CCT6B: variants seen among roughly 807,000 people sequenced by gnomAD.
The protein encoded by CCT6B is chaperonin containing TCP1 subunit 6B, also known as probable T-complex protein 1 subunit zeta-2.
A neutral mutation model predicts 61.5 loss-of-function variants in CCT6B; 49 were observed. The ratio of observed to expected loss-of-function variants is 0.80; its 90% CI spans 0.63 to 1.01. The LOEUF is 1.01. CCT6B is among the 50% of genes least tolerant of loss of function. CCT6B has a pLI of 0.00. For synonymous variants in CCT6B, 228 were observed against 214.5 expected (o/e 1.06, Z -0.55); for missense variants, 666 against 634.7 (o/e 1.05, Z -0.53).
chr17:34,952,513 G>A (rs913251012), intron 4 of CCT6B, among the ~76,000 whole-genome samples: 11 of 152,134 alleles, frequency 7.2e-5, no homozygotes, highest in Admixed American at 1.3e-4. Context: ...AACAGGAAAC[G>A]TTAAAGTCTC....
chr17:34,928,653 T>C (rs1217997647), intron 13 of CCT6B, among the ~76,000 whole-genome samples: 1 of 152,230 alleles, frequency 6.6e-6, no homozygotes, highest in Admixed American at 6.5e-5. Context: ...AAAATTGAGC[T>C]TATTTTTACA....
chr17:34,955,685 C>T (rs2090340525), intron 3 of CCT6B, among the ~76,000 whole-genome samples: 1 of 152,166 alleles, frequency 6.6e-6, no homozygotes, highest in South Asian at 2.1e-4. Context: ...TCCCTTACTA[C>T]TTTTCTTTAC....
At chr17:34,942,774 A>C in intron 6 of CCT6B, 22 bp downstream of exon 6, 1 of 1,553,174 alleles carries the variant, frequency 6.4e-7, no homozygotes, top group Non-Finnish European at 8.8e-7. Context: ...TTCAAAAGTT[A>C]TAAAGAGAAA....
At chr17:34,934,134 GAAAAA>G (rs1280861242) in intron 10 of CCT6B, among the ~76,000 whole-genome samples, 1 of 75,824 alleles carries the variant, frequency 1.3e-5, no homozygotes, top group East Asian at 4.0e-4. Flanking sequence ...GTTTCAAAAA[GAAAAA>G]AAAAAAAAAA....
At chr17:34,946,445 C>A (rs538974542) in intron 5 of CCT6B, among the ~76,000 whole-genome samples, 2 of 152,066 alleles carry the variant, frequency 1.3e-5, no homozygotes, top group African/African-American at 4.8e-5. Flanking sequence ...GAAAGATTTG[C>A]AAGGAATAGA....
intron 10 of CCT6B, among the ~76,000 whole-genome samples, chr17:34,938,396 A>G (rs1171724982): frequency 6.6e-6 from 1 of 151,932 alleles, no homozygotes; most frequent in Non-Finnish European, 1.5e-5. Context: ...GACAGAACTC[A>G]TCTCTACAAA....
intron 12 of CCT6B, among the ~76,000 whole-genome samples, chr17:34,929,346 C>T (rs1012137396): frequency 1.1e-4 from 16 of 152,082 alleles, no homozygotes; most frequent in African/African-American, 3.9e-4. Context: ...GACCTCTTAA[C>T]GTTGGAGTAC....
chr17:34,942,949 A>G (rs1443776278), intron 5 of CCT6B, 43 bp from the exon 6 acceptor site: 4 of 1,096,116 alleles, frequency 3.6e-6, no homozygotes, highest in Non-Finnish European at 5.3e-6. Flanking sequence ...TATATACTCT[A>G]AAATTTGGTA....
At position 34,928,114 on chromosome 17, in the gene CCT6B, T is replaced by G. The variant is rs527760961; in HGVS notation, c.1527A>C (p.Thr509=). ...CVKKQLLHSC[T]VIATNILLVD... ...CCAGGAGAATGTTGGTGGCAATCAC[T>G]GTGCTAAGGAAAAAGATGAGAGGGT... The change falls in exon 14 of 14, where the codon ACA becomes ACC. Residue 509 remains threonine, a synonymous_variant. Coordinates refer to ENST00000314144, the MANE Select transcript of CCT6B (RefSeq NM_006584.4). 3 of 1,609,678 alleles carry G rather than the reference T, an allele frequency of 1.9e-6. No individual in the cohort carries two copies. In the South Asian group the frequency reaches 3.3e-5, roughly 18 times the overall value.
intron 4 of CCT6B, among the ~76,000 whole-genome samples, chr17:34,953,084 A>C (rs2090310202): frequency 6.6e-6 from 1 of 152,064 alleles, no homozygotes; most frequent in Non-Finnish European, 1.5e-5. Flanking sequence ...GAAACAACTC[A>C]AGTATTCCAG....
In CCT6B at chr17:34,940,566, C is replaced by T. The variant is rs1244990017; in HGVS notation, c.941G>A (p.Arg314His). ...TTCCATATTTCTTCTTTTTGCTCTG[C>T]GAAGAGCTACTATTCCATGTTTTGC... ...SLAKHGIVAL[R>H]RAKRRNMERL... Residue 314 changes from arginine to histidine, a missense_variant, in exon 8 of 14, where the codon CGC (arginine) becomes CAC (histidine). Coordinates refer to ENST00000314144, the MANE Select transcript of CCT6B (RefSeq NM_006584.4). 22 of 1,582,050 alleles carry T rather than the reference C, an allele frequency of 1.4e-5. No homozygotes were observed. Among genetic ancestry groups the T allele is most frequent in the Non-Finnish European group, 1.9e-5 (22 of 1,161,482 alleles).
chr17:34,958,580 C>G lies in CCT6B; in HGVS notation c.316G>C (p.Ala106Pro). The stretch of plus-strand genomic sequence containing the variant: ...AATACCTCAGAAATGTACAGGTCAG[C>G]TTGTTTTAATAACTCTCCAATAATT... ...VLIIGELLKQ[A>P]DLYISEGLHP... The change falls in exon 3 of 14, where the codon GCT (alanine) becomes CCT (proline). Residue 106 changes from alanine to proline, a missense_variant. Physicochemically the swap from Ala to Pro is conservative, Grantham distance 27. Transcript: ENST00000314144. 1 of 1,573,050 alleles carries G rather than the reference C, an allele frequency of 6.4e-7. No individual in the cohort carries two copies. Among genetic ancestry groups the G allele is most frequent in the Non-Finnish European group, 8.6e-7 (1 of 1,158,350 alleles).
intron 8 of CCT6B, among the ~76,000 whole-genome samples, 159 bp downstream of exon 8, chr17:34,940,380 A>G (rs1284045183): frequency 6.6e-6 from 1 of 152,194 alleles, no homozygotes; most frequent in Admixed American, 6.5e-5. Context: ...TTGCTTTTTG[A>G]CAGTTCAATT....
chr17:34,951,551 G>A (rs1164876657), intron 5 of CCT6B, among the ~76,000 whole-genome samples: 2 of 152,098 alleles, frequency 1.3e-5, no homozygotes, highest in African/African-American at 4.8e-5. Flanking sequence ...TCCTCTCCCT[G>A]TGCTCCAGGC....
At chr17:34,939,916 AT>A (rs1418483778) in intron 8 of CCT6B, among the ~76,000 whole-genome samples, 1 of 152,182 alleles carries the variant, frequency 6.6e-6, no homozygotes, top group Non-Finnish European at 1.5e-5. Flanking sequence ...GAATGGCTAA[AT>A]TGAGCTAATT....
intron 10 of CCT6B, 125 bp from the exon 11 acceptor site, chr17:34,932,625 G>C (rs976421490): frequency 1.3e-6 from 1 of 753,774 alleles, no homozygotes; most frequent in African/African-American, 1.8e-5. Context: ...AAATTGCACA[G>C]CTTAGTAATT....
chr17:34,941,290 A>G (rs1211291954), intron 7 of CCT6B, among the ~76,000 whole-genome samples: 2 of 152,192 alleles, frequency 1.3e-5, no homozygotes, highest in Non-Finnish European at 2.9e-5. Context: ...AGTCATGTAG[A>G]TAGCATCAGT....
intron 10 of CCT6B, among the ~76,000 whole-genome samples, chr17:34,935,499 T>C (rs2090083756): frequency 6.6e-6 from 1 of 152,230 alleles, no homozygotes; most frequent in Admixed American, 6.5e-5. Flanking sequence ...TAACTAAGTA[T>C]GGTTTATCCC....
intron 10 of CCT6B, among the ~76,000 whole-genome samples, chr17:34,936,120 T>TTTTTATTTTTAGTAGAGA (rs1160009778): frequency 6.6e-6 from 1 of 152,094 alleles, no homozygotes; most frequent in Admixed American, 6.5e-5. Context: ...CCAGCTAATT[T>TTTTTATTTTTAGTAGAGA]TTTTATTTTT....
Sources: allele counts gnomAD v4.1 joint callset (sites outside exome capture counted in the v4.1 genomes callset), GRCh38; gene constraint gnomAD v4.1.1; transcripts MANE v1.5; gene names NCBI Gene and HGNC (gene_info 2026-07-23, HGNC 2026-07-21).